RNF145: variants seen among roughly 807,000 people sequenced by gnomAD.
The protein encoded by RNF145 is ring finger protein 145.
In RNF145, 12 loss-of-function variants were observed where a neutral mutation model predicts 57.3. The observed-to-expected ratio is 0.21, with a 90% CI of 0.13 to 0.34. The LOEUF (loss-of-function observed/expected upper bound fraction) is 0.34, where lower values mean the gene tolerates loss of function less well. Ranked by LOEUF, RNF145 falls within the 10% of genes least tolerant of loss-of-function variation. The probability of loss-of-function intolerance (pLI) is 1.00; values close to 1 mark genes in which losing one functional copy is unlikely to be tolerated. For missense variants in RNF145, 429 were observed against 799.0 expected (o/e 0.54, Z 5.58); for synonymous variants, 262 against 288.3 (o/e 0.91, Z 0.92).
chr5:159,160,443 GAAGT>G (rs1401015471), intron 10 of RNF145, among the ~76,000 whole-genome samples: 1 of 152,142 alleles, frequency 6.6e-6, no homozygotes, highest in African/African-American at 2.4e-5. Flanking sequence ...AAGCAATCCT[GAAGT>G]AAGAATATCC....
chr5:159,201,646 T>C (rs895678791), intron 2 of RNF145, among the ~76,000 whole-genome samples: 14 of 152,132 alleles, frequency 9.2e-5, no homozygotes, highest in African/African-American at 3.1e-4. Context: ...TGGCTCCACA[T>C]ACATCACAAA....
intron 4 of RNF145, among the ~76,000 whole-genome samples, chr5:159,179,729 C>T (rs1232711800): frequency 1.3e-5 from 2 of 152,026 alleles, no homozygotes; most frequent in Non-Finnish European, 2.9e-5. Context: ...AATATGCCAA[C>T]TCATAACGAT....
intron 3 of RNF145, among the ~76,000 whole-genome samples, chr5:159,190,681 CAAAA>C (rs58247587): frequency 6.9e-5 from 6 of 87,264 alleles, no homozygotes; most frequent in Admixed American, 2.6e-4. Context: ...ACAACCATCT[CAAAA>C]AAAAAAAAAA....
At chr5:159,181,649 G>C (rs1784896217) in intron 4 of RNF145, among the ~76,000 whole-genome samples, 1 of 151,822 alleles carries the variant, frequency 6.6e-6, no homozygotes, top group African/African-American at 2.4e-5. Context: ...GATACTACGT[G>C]TTTCATTTTA....
chr5:159,189,976 T>C (rs1394399860), intron 3 of RNF145, among the ~76,000 whole-genome samples: 1 of 152,216 alleles, frequency 6.6e-6, no homozygotes, highest in Non-Finnish European at 1.5e-5. Flanking sequence ...GATGAAAATC[T>C]AAAATAAATT....
intron 3 of RNF145, among the ~76,000 whole-genome samples, chr5:159,191,335 T>C (rs1466906332): frequency 6.6e-6 from 1 of 152,196 alleles, no homozygotes; most frequent in Non-Finnish European, 1.5e-5. Context: ...AACTAGATTG[T>C]GAAAACATGG....
chr5:159,178,658 T>G (rs1347155651), intron 4 of RNF145, among the ~76,000 whole-genome samples: 1 of 152,034 alleles, frequency 6.6e-6, no homozygotes, highest in Non-Finnish European at 1.5e-5. Flanking sequence ...TGCCCTAAAA[T>G]CTAACATTAT....
chr5:159,173,953 T>C (rs1784636219), intron 6 of RNF145, 30 bp downstream of exon 6: 1 of 1,517,812 alleles, frequency 6.6e-7, no homozygotes, highest in Non-Finnish European at 8.9e-7. Context: ...TCTAAGGTTA[T>C]ATATAGTATC....
chr5:159,178,492 G>A (rs1433890569), intron 4 of RNF145, among the ~76,000 whole-genome samples: 1 of 151,886 alleles, frequency 6.6e-6, no homozygotes, highest in Non-Finnish European at 1.5e-5. Context: ...GAATTTCTTG[G>A]AGATTACTGA....
chr5:159,174,218 A>C, intron 5 of RNF145, 60 bp from the exon 6 acceptor site: 1 of 1,126,574 alleles, frequency 8.9e-7, no homozygotes, highest in South Asian at 1.8e-5. Context: ...CACTTTAAAC[A>C]CTTGAGTCAA....
In RNF145 at chr5:159,175,777, G is replaced by A. The variant is rs572988749; in HGVS notation, c.621+855C>T. The stretch of plus-strand genomic sequence containing the variant: ...CAAAGATCTGCCCCTGGGGCCACAA[G>A]AGAATACTTCACTTAGCTGTTATCA... On this transcript the variant is annotated intron_variant, in intron 5 of 10. Coordinates refer to ENST00000424310, the MANE Select transcript of RNF145 (RefSeq NM_001199383.2). Among the ~76,000 whole-genome samples the A allele has an allele frequency of 7.9e-5, 12 of 152,290 alleles. No individual in the cohort carries two copies. The East Asian group carries it at 1.9e-3, about 24-fold the overall frequency.
intron 8 of RNF145, among the ~76,000 whole-genome samples, chr5:159,165,307 C>G (rs534984242): frequency 6.6e-6 from 1 of 152,298 alleles, no homozygotes; most frequent in East Asian, 1.9e-4. Flanking sequence ...TCATTCTCTT[C>G]CCTGCTTCCC....
At chr5:159,203,048 AG>A (rs928479094) in intron 2 of RNF145, among the ~76,000 whole-genome samples, 28 of 152,300 alleles carry the variant, frequency 1.8e-4, no homozygotes, top group African/African-American at 6.3e-4. Flanking sequence ...CGTTTATCTC[AG>A]GGAACAATAA....
chr5:159,181,821 C>G (rs1388337820), intron 4 of RNF145, 139 bp downstream of exon 4: 3 of 507,890 alleles, frequency 5.9e-6, no homozygotes, highest in Admixed American at 3.2e-5. Context: ...AACCACCAAA[C>G]AATGGGTATA....
rs772615621 is a variant in RNF145, at chr5:159,169,068, T to C, written c.939-13A>G. On this transcript the variant is annotated splice_polypyrimidine_tract_variant and intron_variant, in intron 7 of 10. Transcript: ENST00000424310. ...TTCTGTCATGCCCCTAAAAAAAGCATACATTTTCAGAAAACATAAAATAAT... is the reference window on the plus strand; with the variant it reads ...TTCTGTCATGCCCCTAAAAAAAGCACACATTTTCAGAAAACATAAAATAAT... The C allele has an allele frequency of 5.9e-6, 9 of 1,522,624 alleles. No individual in the cohort carries two copies. The highest frequency in any genetic ancestry group is 2.8e-5 in the African/African-American group (2 of 71,068). 94.3% of individuals were successfully genotyped at this position (1,522,624 alleles called of 1,614,324 possible).
intron 2 of RNF145, among the ~76,000 whole-genome samples, chr5:159,201,892 ATTATT>A (rs1005053635): frequency 1.0e-3 from 152 of 152,332 alleles, no homozygotes; most frequent in Non-Finnish European, 4.4e-4. Flanking sequence ...ATGTAGATAC[ATTATT>A]TTATTAAGGT....
chr5:159,179,528 T>C lies in RNF145; in HGVS notation c.385+2432A>G, dbSNP rs536112589. 2.6e-4 allele frequency among the ~76,000 whole-genome samples: 40 copies of C among 152,244 alleles called. 2 individuals are homozygous for C. The South Asian group carries it at 8.1e-3, about 31-fold the overall frequency. On this transcript the variant is annotated intron_variant, in intron 4 of 10. Transcript: ENST00000424310. Reference sequence around the variant, plus strand: ...TTAAAATCTAAGTTGGAAGAAAACATGCTCCTTAATAGTTTATGGACTTTG... The same window carrying C: ...TTAAAATCTAAGTTGGAAGAAAACACGCTCCTTAATAGTTTATGGACTTTG...
intron 2 of RNF145, among the ~76,000 whole-genome samples, chr5:159,197,352 A>G (rs950129356): frequency 7.2e-5 from 11 of 152,250 alleles, no homozygotes; most frequent in African/African-American, 2.7e-4. Flanking sequence ...ACTAGCAGCT[A>G]AAGCCTCAAT....
chr5:159,183,110 T>C (rs767598560), intron 3 of RNF145, among the ~76,000 whole-genome samples: 7 of 152,172 alleles, frequency 4.6e-5, no homozygotes, highest in Non-Finnish European at 8.8e-5. Context: ...TTAAAACAGT[T>C]TCTGAGATTA....
Sources: gnomAD v4.1 joint callset for allele counts (sites outside exome capture counted in the v4.1 genomes callset) on GRCh38, gnomAD v4.1.1 for gene constraint, MANE v1.5 for transcripts, NCBI Gene and HGNC (gene_info 2026-07-23, HGNC 2026-07-21) for gene names.